SCFD2: variants seen among roughly 807,000 people sequenced by gnomAD.
SCFD2 encodes sec1 family domain-containing protein 2.
Under a neutral mutation model 58.9 loss-of-function variants are expected in SCFD2, and 54 were observed. The observed-to-expected ratio is 0.92, with a 90% CI of 0.74 to 1.15. The LOEUF is 1.15. SCFD2 is among the 50% of genes most tolerant of loss of function. The probability of loss-of-function intolerance (pLI) is 0.00; values close to 1 mark genes in which losing one functional copy is unlikely to be tolerated. For missense variants in SCFD2, 805 were observed against 836.6 expected (o/e 0.96, Z 0.47); for synonymous variants, 321 against 335.9 (o/e 0.96, Z 0.49).
intron 5 of SCFD2, among the ~76,000 whole-genome samples, chr4:53,029,417 C>T (rs1259347804): frequency 6.6e-6 from 1 of 152,190 alleles, no homozygotes; most frequent in Non-Finnish European, 1.5e-5. Flanking sequence ...AAGATAGAAG[C>T]TCTAATATTT....
At chr4:52,965,743 ACTTGGTTTCATTTGG>A (rs769275109) in intron 5 of SCFD2, among the ~76,000 whole-genome samples, 113 of 152,160 alleles carry the variant, frequency 7.4e-4, no homozygotes, top group Non-Finnish European at 9.8e-4. Flanking sequence ...ACCTGCCATG[ACTTGGTTTCATTTGG>A]CTTGACAGTT....
chr4:53,281,441 T>A (rs1731507028), intron 3 of SCFD2, among the ~76,000 whole-genome samples: 3 of 152,200 alleles, frequency 2.0e-5, no homozygotes, highest in Admixed American at 2.0e-4. Flanking sequence ...GTGGCAACTT[T>A]ACTAAGATTA....
At chr4:53,295,035 A>G (rs914917219) in intron 3 of SCFD2, among the ~76,000 whole-genome samples, 2 of 152,210 alleles carry the variant, frequency 1.3e-5, no homozygotes, top group African/African-American at 4.8e-5. Flanking sequence ...TGTTTTGGTT[A>G]CTATAGCCCT....
At chr4:52,935,266 G>T (rs1354288612) in intron 5 of SCFD2, among the ~76,000 whole-genome samples, 1 of 152,220 alleles carries the variant, frequency 6.6e-6, no homozygotes, top group Non-Finnish European at 1.5e-5. Flanking sequence ...AATTATGGGA[G>T]ATTTCTATTT....
chr4:53,333,410 C>G lies in SCFD2; in HGVS notation c.1007+19188G>C, dbSNP rs1168601149. On this transcript the variant is annotated intron_variant, in intron 2 of 8. Transcript: ENST00000401642. ...CTGGTACCAAAACAGAGATATAGAT[C>G]AATGGAACAGAACAGAGCCCTCAGA... 2.2e-5 allele frequency among the ~76,000 whole-genome samples: 3 copies of G among 133,786 alleles called. No homozygotes were observed. The East Asian group carries it at 6.7e-4, about 30-fold the overall frequency. The allele number at this position is 133,786 out of a possible 152,430, so 87.8% of individuals were successfully genotyped here.
chr4:53,223,820 T>C (rs989102961), intron 4 of SCFD2, among the ~76,000 whole-genome samples: 1 of 152,238 alleles, frequency 6.6e-6, no homozygotes, highest in Non-Finnish European at 1.5e-5. Flanking sequence ...TTAACTACTT[T>C]ATGCAAATCT....
At position 53,194,111 on chromosome 4, in the gene SCFD2, C is replaced by T. The variant is rs552154581; in HGVS notation, c.1312-48529G>A. Among the ~76,000 whole-genome samples, 6 of 152,280 alleles carry T rather than the reference C, an allele frequency of 3.9e-5. No homozygotes were observed. The South Asian group carries it at 1.2e-3, about 32-fold the overall frequency. ...ACCCTACACATACAACCAACATATA[C>T]ACAGACAACGTACATTTATATAACA... On this transcript the variant is annotated intron_variant, in intron 4 of 8. Transcript: ENST00000401642.
intron 4 of SCFD2, among the ~76,000 whole-genome samples, chr4:53,193,366 G>A (rs1302150364): frequency 6.6e-6 from 1 of 152,134 alleles, no homozygotes; most frequent in Admixed American, 6.5e-5. Flanking sequence ...AAAGAAACAG[G>A]TCTACAGAAT....
chr4:53,231,764 C>A (rs1382469076), intron 4 of SCFD2, among the ~76,000 whole-genome samples: 2 of 151,776 alleles, frequency 1.3e-5, no homozygotes, highest in East Asian at 1.9e-4. Flanking sequence ...TTTTTCTTTT[C>A]TTTTTCTCAC....
intron 4 of SCFD2, among the ~76,000 whole-genome samples, chr4:53,243,735 G>A (rs73147378): frequency 0.14 from 21,382 of 151,924 alleles, 1,845 homozygotes; most frequent in African/African-American, 0.23. Flanking sequence ...GTGGTATGCT[G>A]TCTTCAAGAG....
Position 53,000,358 on chromosome 4 carries a change from C to T in SCFD2, c.1562-79488G>A, listed in dbSNP as rs1290882111. Among the ~76,000 whole-genome samples the T allele has an allele frequency of 2.0e-5, 3 of 152,164 alleles. No homozygotes were observed. The East Asian group carries it at 5.8e-4, about 29-fold the overall frequency. On this transcript the variant is annotated intron_variant, in intron 5 of 8. Transcript: ENST00000401642. Reference sequence around the variant, plus strand: ...ATACAAATAGAGACTTTCAGCTTCTCTAGAAAAACTAGATACTACAAAATT... The same window carrying T: ...ATACAAATAGAGACTTTCAGCTTCTTTAGAAAAACTAGATACTACAAAATT...
chr4:53,052,078 C>T (rs1383114902), intron 5 of SCFD2, among the ~76,000 whole-genome samples: 1 of 152,012 alleles, frequency 6.6e-6, no homozygotes, highest in Non-Finnish European at 1.5e-5. Flanking sequence ...ACATTATTCC[C>T]CTTCTTAAAA....
At chr4:53,048,930 G>A (rs1577685246) in intron 5 of SCFD2, among the ~76,000 whole-genome samples, 2 of 152,228 alleles carry the variant, frequency 1.3e-5, no homozygotes, top group East Asian at 1.9e-4. Context: ...CTGGGTGACT[G>A]AGCGAGACCT....
At chr4:53,235,503 T>A (rs1729571572) in intron 4 of SCFD2, among the ~76,000 whole-genome samples, 1 of 152,184 alleles carries the variant, frequency 6.6e-6, no homozygotes, top group Non-Finnish European at 1.5e-5. Context: ...AGGTCTCTGC[T>A]CTCACTTATC....
At chr4:52,917,858 C>T (rs547293515) in intron 6 of SCFD2, among the ~76,000 whole-genome samples, 10 of 152,304 alleles carry the variant, frequency 6.6e-5, no homozygotes, top group East Asian at 1.9e-4. Flanking sequence ...CTTTTCCTAA[C>T]GGGTTAATGG....
intron 4 of SCFD2, among the ~76,000 whole-genome samples, chr4:53,163,393 C>T (rs1274735169): frequency 6.6e-6 from 1 of 152,086 alleles, no homozygotes; most frequent in African/African-American, 2.4e-5. Context: ...AACCACCGCT[C>T]CTCTAAGAAA....
rs557754274 is a variant in SCFD2, at chr4:52,933,225, G to A, written c.1562-12355C>T. 1.1e-4 allele frequency among the ~76,000 whole-genome samples: 17 copies of A among 152,194 alleles called. No homozygotes were observed. The Middle Eastern group carries it at 0.017, about 152-fold the overall frequency. On this transcript the variant is annotated intron_variant, in intron 5 of 8. Transcript: ENST00000401642. ...CAGCTCTCTCTGTTTCCCTGACCCCGAGAACAGGGCTAGACTTCCTGCTGG... is the reference window on the plus strand; with the variant it reads ...CAGCTCTCTCTGTTTCCCTGACCCCAAGAACAGGGCTAGACTTCCTGCTGG...
At chr4:53,269,305 T>C (rs1465932461) in intron 4 of SCFD2, among the ~76,000 whole-genome samples, 2 of 151,936 alleles carry the variant, frequency 1.3e-5, no homozygotes, top group Admixed American at 6.6e-5. Flanking sequence ...ATCTGGGTGA[T>C]AGAGTGAGAC....
At chr4:52,896,987 C>G (rs369528701) in intron 7 of SCFD2, among the ~76,000 whole-genome samples, 9 of 152,124 alleles carry the variant, frequency 5.9e-5, no homozygotes, top group East Asian at 1.9e-4. Flanking sequence ...GAATGCTTGT[C>G]ATTTTTGCAC....
Sources: allele counts gnomAD v4.1 joint callset (sites outside exome capture counted in the v4.1 genomes callset), GRCh38; gene constraint gnomAD v4.1.1; transcripts MANE v1.5; gene names NCBI Gene and HGNC (gene_info 2026-07-23, HGNC 2026-07-21).